SASH1: variants seen among roughly 807,000 people sequenced by gnomAD.
The protein encoded by SASH1 is SAM and SH3 domain-containing protein 1.
SASH1 carries 44 observed loss-of-function variants against 125.2 expected under a neutral mutation model. That is an observed-to-expected ratio of 0.35 (90% CI 0.28 to 0.45). The LOEUF is 0.45. Ranked by LOEUF, SASH1 falls within the 20% of genes least tolerant of loss-of-function variation. The pLI, the probability that SASH1 is intolerant of heterozygous loss-of-function variation, is 1.00. For synonymous variants in SASH1, 639 were observed against 649.1 expected (o/e 0.98, Z 0.24); for missense variants, 1,426 against 1,614.5 (o/e 0.88, Z 2.00).
chr6:148,502,751 G>C (rs1375979939), intron 8 of SASH1, among the ~76,000 whole-genome samples: 1 of 152,086 alleles, frequency 6.6e-6, no homozygotes, highest in Non-Finnish European at 1.5e-5. Flanking sequence ...GTTGGGATGG[G>C]GTGGGTGGGA....
the SASH1 span, among the ~76,000 whole-genome samples, chr6:148,208,901 A>G: frequency 2.6e-5 from 4 of 152,228 alleles, no homozygotes; most frequent in African/African-American, 9.6e-5. Flanking sequence ...AGATGTGGCC[A>G]TTTGCTATAA....
chr6:148,309,664 C>T (rs1398859938), intron 1 of SASH1, among the ~76,000 whole-genome samples: 1 of 111,712 alleles, frequency 9.0e-6, no homozygotes, highest in Non-Finnish European at 1.9e-5. Context: ...TCTCATGTTG[C>T]TTTAAAAAAA....
At chr6:148,339,539 G>A (rs901477788), upstream of SASH1, among the ~76,000 whole-genome samples, 25 of 150,836 alleles carry the variant, frequency 1.7e-4, no homozygotes, top group African/African-American at 6.1e-4. Context: ...TATAAATATA[G>A]ATATCTATAT....
intron 1 of SASH1, among the ~76,000 whole-genome samples, chr6:148,293,483 G>A (rs931745800): frequency 4.6e-5 from 7 of 152,174 alleles, no homozygotes; most frequent in African/African-American, 9.7e-5. Context: ...CTGGATTGGC[G>A]CCACTTGCTT....
At chr6:148,442,246 G>GC (rs1776576037) in intron 4 of SASH1, among the ~76,000 whole-genome samples, 2 of 142,936 alleles carry the variant, frequency 1.4e-5, no homozygotes, top group Non-Finnish European at 3.1e-5. Flanking sequence ...CCCGCCCCCA[G>GC]CCCCCCCAAA....
chr6:148,519,891 G>A lies in SASH1; in HGVS notation c.1207G>A (p.Gly403Arg), dbSNP rs912519810. The change falls in exon 10 of 20, where the codon GGG (glycine) becomes AGG (arginine). Residue 403 changes from glycine to arginine, a missense_variant and splice_region_variant. Physicochemically the swap from Gly to Arg is moderately radical, Grantham distance 125. Coordinates refer to ENST00000367467, the MANE Select transcript of SASH1 (RefSeq NM_015278.5). The surrounding 1 kb of genome is among the most constrained non-coding windows in gnomAD (Gnocchi z 4.8). Reference sequence around the variant, plus strand: ...GAAGGGTCTCGGGTCCCTAAGCCACGGGGTAAGTACGGATGGTGTTTGCTT... The same window carrying A: ...GAAGGGTCTCGGGTCCCTAAGCCACAGGGTAAGTACGGATGGTGTTTGCTT... ...MKKGLGSLSH[G>R]RTCSFGGFDL... The A allele has an allele frequency of 4.5e-6, 7 of 1,557,688 alleles. No homozygotes were observed. Among genetic ancestry groups the A allele is most frequent in the Non-Finnish European group, 6.1e-6 (7 of 1,154,190 alleles).
intron 16 of SASH1, among the ~76,000 whole-genome samples, chr6:148,537,776 CTGTGTGTG>C (rs55644027): frequency 0.057 from 7,144 of 125,516 alleles, 216 homozygotes; most frequent in Non-Finnish European, 0.066. Flanking sequence ...TTAGCATATT[CTGTGTGTG>C]TGTGTGTGTG....
chr6:148,326,156 T>C (rs1004576537), intron 1 of SASH1, among the ~76,000 whole-genome samples: 5 of 149,100 alleles, frequency 3.4e-5, no homozygotes, highest in Middle Eastern at 3.5e-3. Flanking sequence ...GCCTCCCAAG[T>C]AGCTGGGATT....
At chr6:148,524,119 A>ATTTTT (rs1404681101) in intron 10 of SASH1, among the ~76,000 whole-genome samples, 17 of 125,156 alleles carry the variant, frequency 1.4e-4, no homozygotes, top group African/African-American at 3.8e-4. Flanking sequence ...ATATATATAT[A>ATTTTT]TATTTTTTTT....
At chr6:148,260,952 G>A in the SASH1 span, among the ~76,000 whole-genome samples, 9 of 151,736 alleles carry the variant, frequency 5.9e-5, no homozygotes, top group East Asian at 2.0e-4. Flanking sequence ...CTACCAGCGC[G>A]TGCCACCACA....
At chr6:148,208,276 G>A in the SASH1 span, among the ~76,000 whole-genome samples, 1 of 152,202 alleles carries the variant, frequency 6.6e-6, no homozygotes, top group Non-Finnish European at 1.5e-5. Flanking sequence ...GCGATGCTAA[G>A]GGAAGTCTAC....
intron 1 of SASH1, among the ~76,000 whole-genome samples, chr6:148,377,191 A>AG (rs1782943435): frequency 6.9e-6 from 1 of 145,450 alleles, no homozygotes; most frequent in African/African-American, 2.5e-5. Context: ...AAACAAAAAA[A>AG]AAACAAAAAA....
chr6:148,525,101 G>GAA (rs2082679583), intron 10 of SASH1, 190 bp from the exon 11 acceptor site: 1 of 573,090 alleles, frequency 1.7e-6, no homozygotes, highest in South Asian at 2.1e-5. Flanking sequence ...CTGTGAAAGG[G>GAA]AAAAATGAGT....
At chr6:148,500,838 A>G (rs1234865296) in intron 8 of SASH1, among the ~76,000 whole-genome samples, 1 of 151,696 alleles carries the variant, frequency 6.6e-6, no homozygotes, top group Non-Finnish European at 1.5e-5. Flanking sequence ...TCATTTTGTT[A>G]GTCGTTGTGA....
rs1268992746 is a variant in SASH1 at position 148,393,873 on chromosome 6, A to G, written c.285+3611A>G. Reference sequence around the variant, plus strand: ...AGTAAGACCCCAAATTGGCATATTCAGATTCTCTCTCTCTCTTTTTTTTTT... The same window carrying G: ...AGTAAGACCCCAAATTGGCATATTCGGATTCTCTCTCTCTCTTTTTTTTTT... On this transcript the variant is annotated intron_variant, in intron 2 of 19. Transcript: ENST00000367467. The G allele has an allele frequency of 2.6e-5, 5 of 191,838 alleles. No individual in the cohort carries two copies. The South Asian group carries it at 5.4e-4, about 21-fold the overall frequency. 11.9% of individuals were successfully genotyped at this position (191,838 alleles called of 1,614,324 possible).
At chr6:148,531,796 A>G (rs1562489400) in intron 13 of SASH1, 135 bp downstream of exon 13, 1 of 662,350 alleles carries the variant, frequency 1.5e-6, no homozygotes, top group African/African-American at 1.9e-5. Context: ...AATCAGACCA[A>G]TAAACTCTCT....
chr6:148,400,388 C>T (rs1583089855), intron 2 of SASH1, among the ~76,000 whole-genome samples: 1 of 152,222 alleles, frequency 6.6e-6, no homozygotes, highest in Non-Finnish European at 1.5e-5. Context: ...TCCTGACGCA[C>T]GCAGTCCATA....
intron 1 of SASH1, among the ~76,000 whole-genome samples, chr6:148,349,884 C>G (rs892413652): frequency 1.3e-5 from 2 of 148,562 alleles, no homozygotes. Context: ...CTCGCTCTGT[C>G]GCCCAGGCTG....
At chr6:148,197,900 A>G in the SASH1 span, among the ~76,000 whole-genome samples, 1 of 152,090 alleles carries the variant, frequency 6.6e-6, no homozygotes, top group Non-Finnish European at 1.5e-5. Flanking sequence ...CCCAGGCTGG[A>G]GTGCAGTGGT....
Sources: allele counts gnomAD v4.1 joint callset (sites outside exome capture counted in the v4.1 genomes callset), GRCh38; gene constraint gnomAD v4.1.1; non-coding constraint Gnocchi (gnomAD v3.1); transcripts MANE v1.5; gene names NCBI Gene and HGNC (gene_info 2026-07-23, HGNC 2026-07-21).